The following PCCA variants were observed in gnomAD, a reference collection of about 807,000 sequenced individuals.
PCCA encodes the protein propionyl-CoA carboxylase alpha chain, mitochondrial.
PCCA carries 74 observed loss-of-function variants against 101.3 expected under a neutral mutation model. That is an observed-to-expected ratio of 0.73 (90% CI 0.61 to 0.89). PCCA has a LOEUF of 0.89. PCCA is among the 40% of genes least tolerant of loss of function. The pLI is 0.00. For synonymous variants in PCCA, 294 were observed against 313.6 expected (o/e 0.94, Z 0.66); for missense variants, 891 against 907.0 (o/e 0.98, Z 0.23).
intron 23 of PCCA, among the ~76,000 whole-genome samples, chr13:100,528,391 G>T (rs1268670367): frequency 6.6e-6 from 1 of 152,254 alleles, no homozygotes; most frequent in African/African-American, 2.4e-5. Context: ...GGGCCGTTGT[G>T]GTTTGGAAGT....
intron 18 of PCCA, among the ~76,000 whole-genome samples, chr13:100,367,960 A>AAAT (rs911409908): frequency 1.3e-5 from 2 of 151,938 alleles, no homozygotes; most frequent in Admixed American, 6.5e-5. Context: ...TCCGTCTCAA[A>AAAT]AATAATAATA....
At chr13:100,242,692 C>T (rs993049299) in intron 8 of PCCA, among the ~76,000 whole-genome samples, 6 of 152,122 alleles carry the variant, frequency 3.9e-5, no homozygotes, top group African/African-American at 1.4e-4. Context: ...AGCAATATCT[C>T]ATAAAGTGTT....
At chr13:100,513,788 CGTAA>C (rs2086642719) in intron 21 of PCCA, among the ~76,000 whole-genome samples, 1 of 152,156 alleles carries the variant, frequency 6.6e-6, no homozygotes, top group African/African-American at 2.4e-5. Context: ...CAAGGCACGT[CGTAA>C]GTCAGTCACA....
intron 19 of PCCA, among the ~76,000 whole-genome samples, chr13:100,389,606 A>G (rs1456217950): frequency 6.6e-6 from 1 of 152,210 alleles, no homozygotes; most frequent in African/African-American, 2.4e-5. Flanking sequence ...CTGCACATGT[A>G]TCCCTGAATG....
chr13:100,491,628 A>G, intron 21 of PCCA: 1 of 1,301,842 alleles, frequency 7.7e-7, no homozygotes, highest in Non-Finnish European at 1.0e-6. Context: ...AAAGCGGTGC[A>G]CTCTTAATAA....
At chr13:100,330,802 A>G (rs2069440743) in intron 17 of PCCA, 131 bp downstream of exon 17, 1 of 656,810 alleles carries the variant, frequency 1.5e-6, no homozygotes, top group Non-Finnish European at 2.7e-6. Flanking sequence ...AGAACATGCA[A>G]GACTGTTTAC....
rs181862815 is a variant in PCCA, at chr13:100,238,519, G to A, written c.637+2641G>A. 4.1e-3 allele frequency among the ~76,000 whole-genome samples: 623 copies of A among 151,976 alleles called. 11 individuals carry two copies. The highest frequency in any genetic ancestry group is 0.014 in the African/African-American group (598 of 41,434). On this transcript the variant is annotated intron_variant, in intron 8 of 23. Coordinates refer to ENST00000376285, the MANE Select transcript of PCCA (RefSeq NM_000282.4). ...TCTCTTGCTTGTGAAATAAATGATA[G>A]CAATCATGGCTATTAAGTATAAGAG...
chr13:100,485,560 G>A (rs531945387), intron 21 of PCCA, among the ~76,000 whole-genome samples: 13 of 152,330 alleles, frequency 8.5e-5, no homozygotes, highest in African/African-American at 3.1e-4. Context: ...CCCAACTCTA[G>A]AACTTACAGA....
At chr13:100,503,849 A>G (rs893764953) in intron 21 of PCCA, among the ~76,000 whole-genome samples, 5 of 152,150 alleles carry the variant, frequency 3.3e-5, no homozygotes, top group African/African-American at 1.2e-4. Context: ...TTGAGGCTGC[A>G]GTGAGCTGTG....
At chr13:100,457,013 T>A (rs7336947) in intron 21 of PCCA, among the ~76,000 whole-genome samples, 16,346 of 151,928 alleles carry the variant, frequency 0.11, 1,524 homozygotes, top group African/African-American at 0.25. Context: ...TTGACCAAGG[T>A]GCCCTCATGC....
intron 21 of PCCA, among the ~76,000 whole-genome samples, chr13:100,450,279 G>A (rs1430152149): frequency 6.6e-6 from 1 of 151,814 alleles, no homozygotes; most frequent in Non-Finnish European, 1.5e-5. Flanking sequence ...AGCTACTCAG[G>A]AGGCTGAGGG....
chr13:100,390,690 C>T lies in PCCA; in HGVS notation c.1746+22116C>T, dbSNP rs930363909. On this transcript the variant is annotated intron_variant, in intron 19 of 23. Transcript: ENST00000376285. ...TTTTAAGAAGATGAGGTCATTGATG[C>T]CAGTGAATGTAAGAAGTCATGTTAA... Among the ~76,000 whole-genome samples the T allele has an allele frequency of 3.3e-5, 5 of 152,128 alleles. No individual in the cohort carries two copies. The East Asian group carries it at 9.7e-4, about 29-fold the overall frequency.
rs1479713300 is a variant in PCCA at position 100,458,436 on chromosome 13, CACAT to C, written c.1899+9135_1899+9138del. On this transcript the variant is annotated intron_variant, in intron 21 of 23. Transcript: ENST00000376285. ...CCATCTCTGCGCGCACACACACACA[CACAT>C]ACACACACACACACACACACACACA... 1.0e-3 allele frequency among the ~76,000 whole-genome samples: 68 copies of C among 66,416 alleles called. 1 individual carries two copies. Among genetic ancestry groups the C allele is most frequent in the Admixed American group, 2.6e-3 (18 of 6,866 alleles). The allele number at this position is 66,416 out of a possible 152,430, so 43.6% of individuals were successfully genotyped here.
chr13:100,371,447 G>T (rs1319384200), intron 19 of PCCA, among the ~76,000 whole-genome samples: 4 of 152,124 alleles, frequency 2.6e-5, no homozygotes, highest in Admixed American at 1.3e-4. Context: ...TTGTGTCAGG[G>T]ACTAGAAGAC....
At chr13:100,525,040 G>A (rs1328849772) in intron 22 of PCCA, among the ~76,000 whole-genome samples, 1 of 152,098 alleles carries the variant, frequency 6.6e-6, no homozygotes, top group African/African-American at 2.4e-5. Context: ...CAGACAGACA[G>A]GCAGATAAGA....
intron 4 of PCCA, among the ~76,000 whole-genome samples, chr13:100,126,129 G>C (rs911624606): frequency 2.0e-5 from 3 of 152,166 alleles, no homozygotes; most frequent in African/African-American, 7.2e-5. Flanking sequence ...GTCAGGTTGT[G>C]TATTTAAAAA....
intron 11 of PCCA, 81 bp from the exon 12 acceptor site, chr13:100,273,115 A>T: frequency 1.9e-6 from 2 of 1,028,974 alleles, no homozygotes; most frequent in Non-Finnish European, 3.0e-6. Context: ...AGTAAACTTT[A>T]AGAAAATGTT....
chr13:100,195,309 C>T (rs995495901), intron 6 of PCCA, among the ~76,000 whole-genome samples: 2 of 151,906 alleles, frequency 1.3e-5, no homozygotes, highest in South Asian at 2.1e-4. Context: ...AAATTTGTAT[C>T]GATATGTTTA....
Position 100,530,233 on chromosome 13 carries a change from T to C in PCCA, c.*67T>C. On this transcript the variant is annotated 3_prime_UTR_variant, in exon 24 of 24. Transcript: ENST00000376285. ...ATTTGCATGATGCTTTCACACACAA[T>C]TGATTCAAGCATTATACAGGAACAC... 2 of 1,254,542 alleles carry C rather than the reference T, an allele frequency of 1.6e-6. No individual in the cohort carries two copies. Among genetic ancestry groups the C allele is most frequent in the East Asian group, 2.3e-5 (1 of 43,234 alleles). The allele number at this position is 1,254,542 out of a possible 1,614,324, so 77.7% of individuals were successfully genotyped here.
Sources: gnomAD v4.1 joint callset for allele counts (sites outside exome capture counted in the v4.1 genomes callset) on GRCh38, gnomAD v4.1.1 for gene constraint, MANE v1.5 for transcripts, NCBI Gene and HGNC (gene_info 2026-07-23, HGNC 2026-07-21) for gene names.